The following VWA8 variants were observed in gnomAD, a reference collection of about 807,000 sequenced individuals.
VWA8 encodes von Willebrand factor A domain containing 8, also known as von Willebrand factor A domain-containing protein 8.
In VWA8, 221 loss-of-function variants were observed where a neutral mutation model predicts 241.5. The observed-to-expected ratio is 0.91, with a 90% CI of 0.82 to 1.02. The LOEUF (loss-of-function observed/expected upper bound fraction) is 1.02. VWA8 is among the 50% of genes least tolerant of loss of function. The pLI, the probability that VWA8 is intolerant of heterozygous loss-of-function variation, is 0.00. For missense variants in VWA8, 2,322 were observed against 2,328.7 expected (o/e 1.00, Z 0.06); for synonymous variants, 852 against 827.1 (o/e 1.03, Z -0.52).
intron 2 of VWA8, among the ~76,000 whole-genome samples, chr13:41,941,935 A>G (rs888495326): frequency 3.3e-5 from 5 of 152,174 alleles, no homozygotes; most frequent in African/African-American, 1.2e-4. Context: ...TTTCCTACAG[A>G]ACTCAAATTA....
chr13:41,616,150 C>T (rs760679726), intron 37 of VWA8, among the ~76,000 whole-genome samples: 2 of 152,158 alleles, frequency 1.3e-5, no homozygotes, highest in Non-Finnish European at 2.9e-5. Flanking sequence ...ATGGGATTTT[C>T]ATTCTTGATG....
chr13:41,704,155 T>C (rs2137830264), intron 26 of VWA8, among the ~76,000 whole-genome samples: 1 of 152,364 alleles, frequency 6.6e-6, no homozygotes. Flanking sequence ...AGACTTTATT[T>C]TGGCATCTTA....
intron 17 of VWA8, among the ~76,000 whole-genome samples, chr13:41,788,156 C>G (rs552148119): frequency 6.6e-6 from 1 of 152,158 alleles, no homozygotes; most frequent in African/African-American, 2.4e-5. Context: ...CCCACCTACA[C>G]AAATAAAGCT....
In VWA8 at chr13:41,657,695, T is replaced by C. The variant is rs553969962; in HGVS notation, c.4611+13251A>G. Among the ~76,000 whole-genome samples, 25 of 151,910 alleles carry C rather than the reference T, an allele frequency of 1.6e-4. 1 individual carries two copies. The highest frequency in any genetic ancestry group is 5.8e-4 in the African/African-American group (24 of 41,386). On this transcript the variant is annotated intron_variant, in intron 37 of 44. Coordinates refer to ENST00000379310, the MANE Select transcript of VWA8 (RefSeq NM_015058.2). ...TAGTAGAGACGGGGTTTCACCTTGTTAGCCAGGATGGTCTCGATCTCCTGA... is the reference window on the plus strand; with the variant it reads ...TAGTAGAGACGGGGTTTCACCTTGTCAGCCAGGATGGTCTCGATCTCCTGA...
In VWA8 at chr13:41,811,353, A is replaced by G; in HGVS notation, c.1948-13T>C. 1.9e-6 allele frequency: 3 copies of G among 1,599,016 alleles called. No individual in the cohort carries two copies. Among genetic ancestry groups the G allele is most frequent in the Non-Finnish European group, 2.6e-6 (3 of 1,168,066 alleles). On this transcript the variant is annotated splice_polypyrimidine_tract_variant and intron_variant, in intron 16 of 44. Transcript: ENST00000379310. ...CTAATGATTGTGCCTATCAAAAGAC[A>G]AATACATTGTGTTAAGAGTCTTGTT...
chr13:41,755,543 T>C (rs1272688304), intron 21 of VWA8, among the ~76,000 whole-genome samples: 1 of 152,002 alleles, frequency 6.6e-6, no homozygotes, highest in Admixed American at 6.6e-5. Flanking sequence ...ATAACATATC[T>C]ATACTTTTAT....
chr13:41,758,433 C>CTA (rs2045714285), intron 21 of VWA8, among the ~76,000 whole-genome samples: 1 of 69,146 alleles, frequency 1.4e-5, no homozygotes, highest in Non-Finnish European at 2.9e-5. Context: ...TATATATACG[C>CTA]TAGTATATAT....
At position 41,573,048 on chromosome 13, in the gene VWA8, G is replaced by A. The variant is rs182806617; in HGVS notation, c.5371-2342C>T. On this transcript the variant is annotated intron_variant, in intron 43 of 44. Transcript: ENST00000379310. ...CGCTTGGGTGTGGGAGGCGCAGGTT[G>A]TAGTGAGCTGAGAATGTACCACTGC... 3.3e-4 allele frequency among the ~76,000 whole-genome samples: 48 copies of A among 145,832 alleles called. 1 individual carries two copies. Among genetic ancestry groups the A allele is most frequent in the African/African-American group, 1.1e-3 (42 of 39,288 alleles).
At chr13:41,627,708 G>A (rs2044700988) in intron 37 of VWA8, among the ~76,000 whole-genome samples, 1 of 152,030 alleles carries the variant, frequency 6.6e-6, no homozygotes, top group Admixed American at 6.6e-5. Flanking sequence ...TGCAACAAAG[G>A]CTCCAGTCAG....
At chr13:41,945,173 T>A (rs74701420) in intron 2 of VWA8, among the ~76,000 whole-genome samples, 2 of 152,124 alleles carry the variant, frequency 1.3e-5, no homozygotes, top group African/African-American at 4.8e-5. Flanking sequence ...AAGAGACTTA[T>A]TGATTCAAGG....
chr13:41,605,368 C>T (rs1203233872), intron 39 of VWA8, 92 bp from the exon 40 acceptor site: 2 of 1,215,514 alleles, frequency 1.6e-6, no homozygotes, highest in East Asian at 4.8e-5. Flanking sequence ...CTTTAGCAAA[C>T]TCCTTGGAAA....
chr13:41,868,702 G>T (rs1873433095), intron 9 of VWA8, among the ~76,000 whole-genome samples: 1 of 151,724 alleles, frequency 6.6e-6, no homozygotes. Context: ...TGGCTAACAC[G>T]GTGAAACCCC....
chr13:41,632,740 A>C (rs1445434722), intron 37 of VWA8, among the ~76,000 whole-genome samples: 2 of 152,166 alleles, frequency 1.3e-5, no homozygotes, highest in Non-Finnish European at 2.9e-5. Flanking sequence ...GAGTTTTTCC[A>C]ACCATTTCCT....
chr13:41,572,981 C>A (rs1203220131), intron 43 of VWA8, among the ~76,000 whole-genome samples: 4 of 150,782 alleles, frequency 2.7e-5, no homozygotes, highest in Non-Finnish European at 5.9e-5. Flanking sequence ...TGGTGACATG[C>A]GCCTGTGATC....
intron 12 of VWA8, among the ~76,000 whole-genome samples, chr13:41,844,288 C>G (rs1872188234): frequency 6.6e-6 from 1 of 152,098 alleles, no homozygotes; most frequent in African/African-American, 2.4e-5. Flanking sequence ...ATCCAACATC[C>G]ATTTAAGATA....
In VWA8 at chr13:41,605,211, C is replaced by T. The variant is rs377664944; in HGVS notation, c.4943G>A (p.Arg1648Gln). The change falls in exon 40 of 45, where the codon CGG (arginine) becomes CAG (glutamine). Residue 1648 changes from arginine (R) to glutamine (Q), a missense_variant. By Grantham distance (43) the Arg-to-Gln change is conservative (BLOSUM62 1). Transcript: ENST00000379310. ...ATYERFSGAVRRQVHSLRIIL... is the reference protein window; with the variant it reads ...ATYERFSGAVQRQVHSLRIIL... ...GATTCGGAGGGAGTGCACCTGTCGCCGAACAGCACCTGAAAACCTTTCATA... is the reference window on the plus strand; with the variant it reads ...GATTCGGAGGGAGTGCACCTGTCGCTGAACAGCACCTGAAAACCTTTCATA... 10 of 1,613,036 alleles carry T rather than the reference C, an allele frequency of 6.2e-6. No individual in the cohort carries two copies. The Admixed American group carries it at 1.3e-4, about 22-fold the overall frequency.
At chr13:41,635,679 T>G (rs2044751956) in intron 37 of VWA8, among the ~76,000 whole-genome samples, 2 of 151,996 alleles carry the variant, frequency 1.3e-5, no homozygotes, top group African/African-American at 4.8e-5. Context: ...AGAGAGCAGG[T>G]GGGATCCTCA....
rs1263357088 is a variant in VWA8, at chr13:41,568,119, ATCT to A, written c.*75_*77del. 2.4e-6 allele frequency: 3 copies of A among 1,249,064 alleles called. No individual in the cohort carries two copies. Among genetic ancestry groups the A allele is most frequent in the East Asian group, 2.3e-5 (1 of 42,848 alleles). The allele number at this position is 1,249,064 out of a possible 1,614,324, so 77.4% of individuals were successfully genotyped here. ...CACTGCATGGGTTCACTTCATCCAT[ATCT>A]TCTTTTTTTCAGAATACTCTTTATT... is the stretch of plus-strand genomic sequence containing the variant. On this transcript the variant is annotated 3_prime_UTR_variant, in exon 45 of 45. Transcript: ENST00000379310.
In VWA8 at chr13:41,881,371, C is replaced by CGGGGGGGG. The variant is rs1491104127; in HGVS notation, c.1080+2015_1080+2016insCCCCCCCC. On this transcript the variant is annotated intron_variant, in intron 9 of 44. Transcript: ENST00000379310. ...ACTAGAACATCATAGTTTTTTTTTG[C>CGGGGGGGG]CGGGGGGGGGGGGGGGGGGGTAAGG... Among the ~76,000 whole-genome samples the CGGGGGGGG allele has an allele frequency of 7.3e-4, 8 of 10,980 alleles. 1 individual carries two copies. The highest frequency in any genetic ancestry group is 7.0e-3 in the Admixed American group (4 of 574). 7.2% of individuals were successfully genotyped at this position (10,980 alleles called of 152,430 possible).
Sources: gnomAD v4.1 joint callset for allele counts (sites outside exome capture counted in the v4.1 genomes callset) on GRCh38, gnomAD v4.1.1 for gene constraint, MANE v1.5 for transcripts, NCBI Gene and HGNC (gene_info 2026-07-23, HGNC 2026-07-21) for gene names.